The following KDM3B variants were observed in gnomAD, a reference collection of about 807,000 sequenced individuals.
KDM3B encodes lysine demethylase 3B, also known as lysine-specific demethylase 3B.
A neutral mutation model predicts 170.0 loss-of-function variants in KDM3B; 10 were observed. The observed-to-expected ratio is 0.06, with a 90% CI of 0.04 to 0.10. The LOEUF is 0.10. Among genes scored for constraint, KDM3B ranks in the 10% least tolerant of loss-of-function variants. The pLI is 1.00. For missense variants in KDM3B, 1,394 were observed against 2,195.2 expected, an observed-to-expected ratio of 0.64 and a Z score of 7.29; for synonymous variants, 831 against 834.8, an observed-to-expected ratio of 1.00 and a Z score of 0.08.
Position 138,386,602 on chromosome 5 carries a change from G to A in KDM3B, c.1361G>A (p.Arg454Gln), listed in dbSNP as rs755337674. 38 of 1,612,356 alleles carry A rather than the reference G, an allele frequency of 2.4e-5. No homozygotes were observed. The highest frequency in any genetic ancestry group is 3.1e-5 in the Non-Finnish European group (37 of 1,178,594). ...GTVPEKQKGS[R>Q]SQASGENSRN... ...GTGCCAGAAAAACAGAAAGGCAGCCGGTCGCAGGCCTCGGGAGAGGTGAGT... is the reference window on the plus strand; with the variant it reads ...GTGCCAGAAAAACAGAAAGGCAGCCAGTCGCAGGCCTCGGGAGAGGTGAGT... Residue 454 changes from arginine to glutamine, a missense_variant, in exon 7 of 24, where the codon CGG (arginine) becomes CAG (glutamine). Physicochemically the swap from Arg to Gln is conservative, Grantham distance 43. This residue lies in a region of KDM3B where 205 missense variants were observed against 227.6 expected (regional missense o/e 0.90). Coordinates refer to ENST00000314358, the MANE Select transcript of KDM3B (RefSeq NM_016604.4).
chr5:138,369,129 A>C (rs368147838), intron 1 of KDM3B, among the ~76,000 whole-genome samples: 1 of 151,882 alleles, frequency 6.6e-6, no homozygotes, highest in African/African-American at 2.4e-5. Flanking sequence ...TGGAACCTCA[A>C]CCTCTGGTTT....
intron 9 of KDM3B, 144 bp downstream of exon 9, chr5:138,393,516 T>C: frequency 1.5e-6 from 1 of 665,476 alleles, no homozygotes; most frequent in East Asian, 2.7e-5. Context: ...GTGAAGAGGC[T>C]CTGGCATAGT....
At position 138,370,690 on chromosome 5, in the gene KDM3B, C is replaced by G. The variant is rs552487875; in HGVS notation, c.193-1984C>G. ...TCACTCTACAGGAAATGCCTGGTGC[C>G]CCTAGTACTTACAGATCCTCCTGGT... On this transcript the variant is annotated intron_variant, in intron 1 of 23. Transcript: ENST00000314358. 1.3e-3 allele frequency among the ~76,000 whole-genome samples: 205 copies of G among 152,252 alleles called. 1 individual carries two copies. The highest frequency in any genetic ancestry group is 4.5e-3 in the African/African-American group (188 of 41,548).
intron 1 of KDM3B, among the ~76,000 whole-genome samples, chr5:138,363,819 T>TA (rs1389543473): frequency 6.6e-6 from 1 of 152,258 alleles, no homozygotes; most frequent in Non-Finnish European, 1.5e-5. Flanking sequence ...GTGCTGGGAT[T>TA]ACAGGCGTGA....
intron 1 of KDM3B, among the ~76,000 whole-genome samples, chr5:138,359,568 A>G (rs1382002714): frequency 2.0e-5 from 3 of 150,980 alleles, no homozygotes; most frequent in African/African-American, 4.9e-5. Flanking sequence ...CGGCCTCCCA[A>G]AGTGCTTGGA....
In KDM3B at chr5:138,427,264, G is replaced by A; in HGVS notation, c.4578G>A (p.Arg1526=). The change falls in exon 19 of 24, where the codon AGG becomes AGA. Residue 1526 remains arginine, a synonymous_variant. Coordinates refer to ENST00000314358, the MANE Select transcript of KDM3B (RefSeq NM_016604.4). ...KRDGRLNLAS[R]LPSYFVRPDL... is the part of the protein sequence containing the mutation. The stretch of plus-strand genomic sequence containing the variant: ...ATGGCAGGCTCAATCTGGCCTCTAG[G>A]CTACCTAGCTACTTTGTAAGGCCTG... The A allele has an allele frequency of 1.2e-6, 2 of 1,614,098 alleles. No homozygotes were observed. Among genetic ancestry groups the A allele is most frequent in the African/African-American group, 1.3e-5 (1 of 75,046 alleles).
intron 17 of KDM3B, 40 bp downstream of exon 17, chr5:138,425,622 G>T: frequency 1.3e-6 from 2 of 1,563,578 alleles, no homozygotes; most frequent in Non-Finnish European, 1.8e-6. Context: ...TAGCAGACTG[G>T]AAAATAAGCA....
intron 4 of KDM3B, 111 bp downstream of exon 4, chr5:138,377,936 T>C (rs768249768): frequency 1.8e-6 from 1 of 563,196 alleles, no homozygotes; most frequent in Non-Finnish European, 3.0e-6. Context: ...ATCTCCTTTT[T>C]GTGGGCAGAG....
At chr5:138,387,892 T>C (rs546017574) in intron 7 of KDM3B, among the ~76,000 whole-genome samples, 33 of 152,142 alleles carry the variant, frequency 2.2e-4, no homozygotes, top group African/African-American at 3.9e-4. Context: ...CCATCCTGGC[T>C]AACACGGTGA....
intron 1 of KDM3B, among the ~76,000 whole-genome samples, chr5:138,353,832 A>T (rs940064021): frequency 6.6e-6 from 1 of 152,142 alleles, no homozygotes; most frequent in Non-Finnish European, 1.5e-5. Context: ...ATTCGGGATC[A>T]TGATGTGTTA....
chr5:138,424,591 A>G (rs1204811194), intron 16 of KDM3B, among the ~76,000 whole-genome samples: 1 of 152,148 alleles, frequency 6.6e-6, no homozygotes, highest in East Asian at 1.9e-4. Context: ...AGTTTGGCCA[A>G]CATGGTGAAA....
At chr5:138,410,594 T>C (rs1024045098) in intron 11 of KDM3B, among the ~76,000 whole-genome samples, 1 of 151,820 alleles carries the variant, frequency 6.6e-6, no homozygotes, top group African/African-American at 2.4e-5. Context: ...AAGACAGAGA[T>C]AGAAGAAAAG....
chr5:138,418,343 A>G lies in KDM3B; in HGVS notation c.3436-610A>G, dbSNP rs562494567. On this transcript the variant is annotated intron_variant, in intron 13 of 23. Coordinates refer to ENST00000314358, the MANE Select transcript of KDM3B (RefSeq NM_016604.4). ...GATCCACCCACCTTGGACTCCCAAGATTCTGAGATTAGAGGCATGAGCCAC... is the reference window on the plus strand; with the variant it reads ...GATCCACCCACCTTGGACTCCCAAGGTTCTGAGATTAGAGGCATGAGCCAC... Among the ~76,000 whole-genome samples the G allele has an allele frequency of 2.6e-5, 4 of 152,144 alleles. No individual in the cohort carries two copies. The South Asian group carries it at 6.2e-4, about 24-fold the overall frequency.
rs930188857 is a variant in KDM3B, at chr5:138,397,013, C to G, written c.2832-1165C>G. On this transcript the variant is annotated intron_variant, in intron 9 of 23. Coordinates refer to ENST00000314358, the MANE Select transcript of KDM3B (RefSeq NM_016604.4). The stretch of plus-strand genomic sequence containing the variant: ...TTGGCCTGGGCAACATGGCAAGACC[C>G]TGTCTCTACAAACAGTTTTAAAAAA... Among the ~76,000 whole-genome samples, 32 of 152,208 alleles carry G rather than the reference C, an allele frequency of 2.1e-4. 1 individual carries two copies. In the Middle Eastern group the frequency reaches 0.014, roughly 65 times the overall value.
At chr5:138,353,860 G>A (rs900052550) in intron 1 of KDM3B, among the ~76,000 whole-genome samples, 1 of 152,124 alleles carries the variant, frequency 6.6e-6, no homozygotes, top group African/African-American at 2.4e-5. Context: ...TAATGTGGCG[G>A]TAAAATATAG....
At chr5:138,376,769 T>G (rs1207797712) in intron 3 of KDM3B, among the ~76,000 whole-genome samples, 1 of 151,578 alleles carries the variant, frequency 6.6e-6, no homozygotes, top group Non-Finnish European at 1.5e-5. Context: ...TTGTGTAACT[T>G]GAGTCCAAGG....
intron 14 of KDM3B, among the ~76,000 whole-genome samples, chr5:138,419,549 G>T (rs1222741715): frequency 6.6e-6 from 1 of 150,474 alleles, no homozygotes; most frequent in African/African-American, 2.4e-5. Context: ...CAGCTACTTG[G>T]GAGGCTGAGG....
At chr5:138,400,149 T>A (rs1048088916) in intron 11 of KDM3B, 137 bp downstream of exon 11, 20 of 768,612 alleles carry the variant, frequency 2.6e-5, no homozygotes, top group Non-Finnish European at 3.9e-5. Flanking sequence ...TTGTTGTATT[T>A]TAAGACCTTA....
intron 11 of KDM3B, among the ~76,000 whole-genome samples, chr5:138,414,117 C>T (rs1320956347): frequency 6.6e-6 from 1 of 152,196 alleles, no homozygotes; most frequent in Non-Finnish European, 1.5e-5. Context: ...AACACAAAGA[C>T]TGCATCCTAC....
Sources: gnomAD v4.1 joint callset for allele counts (sites outside exome capture counted in the v4.1 genomes callset) on GRCh38, gnomAD v4.1.1 for gene constraint, gnomAD v4.1.1 regional missense constraint, MANE v1.5 for transcripts, NCBI Gene and HGNC (gene_info 2026-07-23, HGNC 2026-07-21) for gene names.